CCDC40: variants seen among roughly 807,000 people sequenced by gnomAD.
CCDC40 encodes the protein coiled-coil domain-containing protein 40.
In CCDC40, 104 loss-of-function variants were observed where a neutral mutation model predicts 124.5. The observed-to-expected ratio is 0.84, with a 90% CI of 0.71 to 0.98. The LOEUF (loss-of-function observed/expected upper bound fraction) is 0.98, where lower values mean the gene tolerates loss of function less well. CCDC40 is among the 50% of genes least tolerant of loss of function. The pLI is 0.00. For synonymous variants in CCDC40, 580 were observed against 602.9 expected (o/e 0.96, Z 0.56); for missense variants, 1,463 against 1,503.9 (o/e 0.97, Z 0.45).
At position 80,050,200 on chromosome 17, in the gene CCDC40, G is replaced by A. The variant is rs373746597; in HGVS notation, c.1076G>A (p.Arg359His). The A allele has an allele frequency of 2.0e-4, 317 of 1,611,194 alleles. No homozygotes were observed. Among genetic ancestry groups the A allele is most frequent in the Non-Finnish European group, 2.5e-4 (294 of 1,179,434 alleles). The stretch of plus-strand genomic sequence containing the variant: ...CGCCACGCAATGGCCTCGAGCGAGC[G>A]CAGGCAGAAGGAGGAGGAGCTGCAG... The part of the protein sequence containing the change: ...HDRHAMASSE[R>H]RQKEEELQAA... The change falls in exon 7 of 20, where the codon CGC becomes CAC. Residue 359 changes from arginine (R) to histidine (H), a missense_variant. Transcript: ENST00000397545.
At chr17:80,054,302 G>A (rs1053708275) in intron 7 of CCDC40, among the ~76,000 whole-genome samples, 5 of 152,094 alleles carry the variant, frequency 3.3e-5, no homozygotes, top group Non-Finnish European at 2.9e-5. Context: ...TTGCAAGAAA[G>A]CTATGCATTG....
chr17:80,066,316 C>A lies in CCDC40; in HGVS notation c.1562+710C>A. On this transcript the variant is annotated intron_variant, in intron 10 of 19. Coordinates refer to ENST00000397545, the MANE Select transcript of CCDC40 (RefSeq NM_017950.4). This position sits in a 1 kb window ranked among gnomAD's most constrained non-coding sequence, Gnocchi z 4.4. ...AATGAGGGTCTGGCTGGCCCCACAG[C>A]ACCCGCAGCCAGGCAGCCAGCAGCA... 1.7e-6 allele frequency: 1 copy of A among 589,088 alleles called. No individual in the cohort carries two copies. The highest frequency in any genetic ancestry group is 2.0e-5 in the South Asian group (1 of 49,078). The allele number at this position is 589,088 out of a possible 1,614,324, so 36.5% of individuals were successfully genotyped here.
intron 17 of CCDC40, 29 bp from the exon 18 acceptor site, chr17:80,095,228 TGCCCCA>T (rs1335574914): frequency 6.2e-7 from 1 of 1,606,370 alleles, no homozygotes; most frequent in Non-Finnish European, 8.5e-7. Context: ...AGCTCAGGCC[TGCCCCA>T]GCCCCAGCCC....
In CCDC40 at chr17:80,087,179, C is replaced by T. The variant is rs1333016046; in HGVS notation, c.2450-428C>T. The T allele has an allele frequency of 3.7e-6, 1 of 268,646 alleles. No homozygotes were observed. Among genetic ancestry groups the T allele is most frequent in the African/African-American group, 2.2e-5 (1 of 45,960 alleles). 16.6% of individuals were successfully genotyped at this position (268,646 alleles called of 1,614,324 possible). ...TCAAGAAGAGCTGTTGTTTTCTGCCCCTACCCCTGAGCTTGGCTGGGGCAG... is the reference window on the plus strand; with the variant it reads ...TCAAGAAGAGCTGTTGTTTTCTGCCTCTACCCCTGAGCTTGGCTGGGGCAG... On this transcript the variant is annotated intron_variant, in intron 14 of 19. Transcript: ENST00000397545. The surrounding 1 kb of genome is among the most constrained non-coding windows in gnomAD (Gnocchi z 4.5).
At chr17:80,057,997 T>C (rs2037795448) in intron 7 of CCDC40, among the ~76,000 whole-genome samples, 1 of 152,214 alleles carries the variant, frequency 6.6e-6, no homozygotes, top group South Asian at 2.1e-4. Context: ...GGATGGAAGC[T>C]GCTGCCTCTT....
intron 9 of CCDC40, among the ~76,000 whole-genome samples, chr17:80,064,675 A>C: frequency 6.8e-6 from 1 of 146,538 alleles, no homozygotes; most frequent in East Asian, 2.1e-4. Context: ...CCTAGTTTTC[A>C]AGCCCCTCCC....
At chr17:80,065,641 G>A (rs779121842) in intron 10 of CCDC40, 35 bp downstream of exon 10, 3 of 1,610,164 alleles carry the variant, frequency 1.9e-6, no homozygotes, top group Admixed American at 3.3e-5. Flanking sequence ...GGATGTGCGG[G>A]AACCCCAGGG....
At chr17:80,055,355 AC>A (rs751880718) in intron 7 of CCDC40, among the ~76,000 whole-genome samples, 59 of 152,366 alleles carry the variant, frequency 3.9e-4, no homozygotes, top group Admixed American at 7.8e-4. Flanking sequence ...GTAGCTGGAT[AC>A]CAGCTCTGTA....
chr17:80,081,687 C>T lies in CCDC40; in HGVS notation c.1704C>T (p.Leu568=). The change falls in exon 11 of 20, where the codon CTC becomes CTT. Residue 568 remains leucine (L), a synonymous_variant. Transcript: ENST00000397545. ...TETEATLLQK[L]TTQCLTKQVA... is the part of the protein sequence containing the mutation. ...CGGAAGCCACACTGCTGCAGAAGCTCACCACCCAGTGCCTGACCAAGCAGG... is the reference window on the plus strand; with the variant it reads ...CGGAAGCCACACTGCTGCAGAAGCTTACCACCCAGTGCCTGACCAAGCAGG... 2 of 1,614,186 alleles carry T rather than the reference C, an allele frequency of 1.2e-6. No individual in the cohort carries two copies. The highest frequency in any genetic ancestry group is 1.7e-6 in the Non-Finnish European group (2 of 1,180,044).
rs369089505 is a variant in CCDC40, at chr17:80,050,090, C to T, written c.966C>T (p.Ala322=). The T allele has an allele frequency of 1.6e-4, 255 of 1,613,906 alleles. 1 individual carries two copies. The highest frequency in any genetic ancestry group is 2.1e-4 in the Non-Finnish European group (249 of 1,180,038). ...ELVVATKQSR[A]QRQELGVNLY... ...TTGTGGCTACCAAGCAGAGCCGAGC[C>T]CAGCGGCAGGAGCTGGGGGTGAATC... The change falls in exon 7 of 20, where the codon GCC becomes GCT. Residue 322 remains alanine, a synonymous_variant. Coordinates refer to ENST00000397545, the MANE Select transcript of CCDC40 (RefSeq NM_017950.4).
Position 80,086,196 on chromosome 17 carries a change from A to G in CCDC40, c.2429A>G (p.Gln810Arg). The G allele has an allele frequency of 3.7e-6, 6 of 1,610,944 alleles. No individual in the cohort carries two copies. The highest frequency in any genetic ancestry group is 5.1e-6 in the Non-Finnish European group (6 of 1,178,592). ...AAGAAGGAGCTCCACATCATGGAGC[A>G]GAAGAAACTACGAGTAGAAAGTAAG... ...ASKKELHIME[Q>R]KKLRVESKIE... Residue 810 changes from glutamine (Q) to arginine (R), a missense_variant, in exon 14 of 20, where the codon CAG (glutamine) becomes CGG (arginine). Coordinates refer to ENST00000397545, the MANE Select transcript of CCDC40 (RefSeq NM_017950.4). The surrounding 1 kb of genome is among the most constrained non-coding windows in gnomAD (Gnocchi z 5.5).
In CCDC40 at chr17:80,086,057, G is replaced by A. The variant is rs375753787; in HGVS notation, c.2290G>A (p.Asp764Asn). The A allele has an allele frequency of 5.0e-6, 8 of 1,614,122 alleles. No individual in the cohort carries two copies. Among genetic ancestry groups the A allele is most frequent in the Admixed American group, 1.7e-5 (1 of 60,028 alleles). The change falls in exon 14 of 20, where the codon GAC becomes AAC. Residue 764 changes from aspartate to asparagine, a missense_variant. By Grantham distance (23) the Asp-to-Asn change is conservative. Coordinates refer to ENST00000397545, the MANE Select transcript of CCDC40 (RefSeq NM_017950.4). This position sits in a 1 kb window ranked among gnomAD's most constrained non-coding sequence, Gnocchi z 5.5. Reference sequence around the variant, plus strand: ...AATCAAAAGGCTGAGCAAGCTGATCGACGAGCACGATGGCAAGGCGGTCCA... The same window carrying A: ...AATCAAAAGGCTGAGCAAGCTGATCAACGAGCACGATGGCAAGGCGGTCCA... ...LEIKRLSKLI[D>N]EHDGKAVQAQ...
intron 10 of CCDC40, among the ~76,000 whole-genome samples, chr17:80,078,610 ACTCT>A (rs1473619906): frequency 1.3e-5 from 2 of 151,484 alleles, no homozygotes; most frequent in African/African-American, 4.9e-5. Context: ...CTGTTTCCAG[ACTCT>A]CTATTCTGTT....
intron 3 of CCDC40, among the ~76,000 whole-genome samples, chr17:80,046,652 G>C (rs2037427670): frequency 6.6e-6 from 1 of 152,038 alleles, no homozygotes; most frequent in Non-Finnish European, 1.5e-5. Context: ...CCCACATGCT[G>C]AGCGCCTCGA....
At chr17:80,071,978 A>G (rs1164081234) in intron 10 of CCDC40, among the ~76,000 whole-genome samples, 1 of 151,862 alleles carries the variant, frequency 6.6e-6, no homozygotes, top group East Asian at 1.9e-4. Flanking sequence ...CTGGGATTAC[A>G]GACATGCACC....
At chr17:80,039,486 A>C (rs1298197843) in intron 2 of CCDC40, among the ~76,000 whole-genome samples, 1 of 150,974 alleles carries the variant, frequency 6.6e-6, no homozygotes, top group Non-Finnish European at 1.5e-5. Flanking sequence ...ATCTCAGCTC[A>C]CTGCAACCTC....
chr17:80,085,066 C>T (rs1598539097), intron 13 of CCDC40, 78 bp downstream of exon 13: 5 of 1,553,906 alleles, frequency 3.2e-6, no homozygotes, highest in Non-Finnish European at 4.4e-6. Context: ...AGATCCCCCA[C>T]GGTCAGACAT....
In CCDC40 at chr17:80,081,849, G is replaced by A. The variant is rs534787961; in HGVS notation, c.1807-27G>A. The A allele has an allele frequency of 2.9e-5, 47 of 1,613,978 alleles. No homozygotes were observed. In the South Asian group the frequency reaches 3.4e-4, roughly 12 times the overall value. On this transcript the variant is annotated intron_variant, in intron 11 of 19. Transcript: ENST00000397545. Reference sequence around the variant, plus strand: ...CGCACGGTGGTGCCTCTTCAGGCACGTGCACCCTGTGGCTCCTTGTCTCCA... The same window carrying A: ...CGCACGGTGGTGCCTCTTCAGGCACATGCACCCTGTGGCTCCTTGTCTCCA...
At chr17:80,040,533 G>T in intron 3 of CCDC40, 1 of 480,268 alleles carries the variant, frequency 2.1e-6, no homozygotes, top group East Asian at 4.0e-5. Context: ...GCAAAAATTA[G>T]GCAGGCGTGG....
Sources: gnomAD v4.1 joint callset for allele counts (sites outside exome capture counted in the v4.1 genomes callset) on GRCh38, gnomAD v4.1.1 for gene constraint, Gnocchi (gnomAD v3.1) non-coding constraint, MANE v1.5 for transcripts, NCBI Gene and HGNC (gene_info 2026-07-23, HGNC 2026-07-21) for gene names.